The following RAB3GAP1 variants were observed in gnomAD, a reference collection of about 807,000 sequenced individuals.
RAB3GAP1 encodes rab3 GTPase-activating protein catalytic subunit.
In RAB3GAP1, 86 loss-of-function variants were observed where a neutral mutation model predicts 130.7. That is an observed-to-expected ratio of 0.66 (90% CI 0.55 to 0.79). RAB3GAP1 has a LOEUF of 0.79. Among genes scored for constraint, RAB3GAP1 ranks in the 30% least tolerant of loss-of-function variants. RAB3GAP1 has a pLI of 0.00. For missense variants in RAB3GAP1, 1,029 were observed against 1,169.4 expected (o/e 0.88, Z 1.75); for synonymous variants, 367 against 401.7 (o/e 0.91, Z 1.03).
chr2:135,063,202 T>C (rs1689228838), intron 3 of RAB3GAP1, among the ~76,000 whole-genome samples: 1 of 152,196 alleles, frequency 6.6e-6, no homozygotes, highest in Non-Finnish European at 1.5e-5. Context: ...TTTTTTGTTT[T>C]TATTGTAAAT....
rs1269330359 is a variant in RAB3GAP1 at position 135,136,009 on chromosome 2, T to A, written c.1923+77T>A. 3 of 1,562,082 alleles carry A rather than the reference T, an allele frequency of 1.9e-6. No individual in the cohort carries two copies. In the African/African-American group the frequency reaches 4.1e-5, roughly 21 times the overall value. Reference sequence around the variant, plus strand: ...TTCATCCTAGTAGAAGATAGTGCTTTGAGTAAGGAAAATTATCCAAAAAGT... The same window carrying A: ...TTCATCCTAGTAGAAGATAGTGCTTAGAGTAAGGAAAATTATCCAAAAAGT... On this transcript the variant is annotated intron_variant, in intron 17 of 23. Coordinates refer to ENST00000264158, the MANE Select transcript of RAB3GAP1 (RefSeq NM_012233.3).
chr2:135,163,882 T>A (rs1692545312), intron 22 of RAB3GAP1, among the ~76,000 whole-genome samples: 1 of 152,256 alleles, frequency 6.6e-6, no homozygotes, highest in Non-Finnish European at 1.5e-5. Context: ...TGTGTTTGAA[T>A]TTTATGTCTT....
downstream of RAB3GAP1, among the ~76,000 whole-genome samples, chr2:135,173,166 AT>A (rs1040910054): frequency 1.3e-5 from 2 of 152,112 alleles, no homozygotes; most frequent in East Asian, 3.9e-4. Flanking sequence ...GTAATTTATT[AT>A]GCAGCAATAG....
intron 23 of RAB3GAP1, among the ~76,000 whole-genome samples, chr2:135,166,023 T>C (rs1398519557): frequency 6.6e-6 from 1 of 152,026 alleles, no homozygotes; most frequent in African/African-American, 2.4e-5. Context: ...AATACAAAAA[T>C]TAGCTGGGCG....
chr2:135,150,614 G>A, intron 18 of RAB3GAP1, 108 bp downstream of exon 18: 1 of 1,418,422 alleles, frequency 7.1e-7, no homozygotes. Context: ...TTTTTGTTAA[G>A]TGTTTGGATT....
intron 8 of RAB3GAP1, among the ~76,000 whole-genome samples, chr2:135,122,366 T>C (rs868197483): frequency 6.9e-6 from 1 of 145,640 alleles, no homozygotes; most frequent in East Asian, 1.9e-4. Flanking sequence ...TCCATTCTTA[T>C]CTTCCTTTTT....
chr2:135,146,147 T>G (rs1025479979), intron 17 of RAB3GAP1, among the ~76,000 whole-genome samples: 1 of 151,862 alleles, frequency 6.6e-6, no homozygotes, highest in African/African-American at 2.4e-5. Flanking sequence ...ATTTTAGTAT[T>G]AGAACAGAAT....
chr2:135,102,869 G>T (rs750607302), intron 5 of RAB3GAP1, among the ~76,000 whole-genome samples: 1 of 151,612 alleles, frequency 6.6e-6, no homozygotes. Flanking sequence ...ACAAAAATTA[G>T]CCGGGCGTGG....
At chr2:135,095,215 A>ATT (rs1203140940) in intron 5 of RAB3GAP1, among the ~76,000 whole-genome samples, 1 of 152,018 alleles carries the variant, frequency 6.6e-6, no homozygotes, top group Non-Finnish European at 1.5e-5. Context: ...CACCCAGCTG[A>ATT]TTTTTTGTAT....
chr2:135,152,671 C>T (rs146427649), intron 18 of RAB3GAP1, among the ~76,000 whole-genome samples: 8 of 152,232 alleles, frequency 5.3e-5, no homozygotes, highest in East Asian at 1.9e-4. Flanking sequence ...AGGGGATATG[C>T]CCTTAGGGGT....
In RAB3GAP1 at chr2:135,052,448, G is replaced by A. The variant is rs1688906834; in HGVS notation, c.37G>A (p.Glu13Lys). Reference protein sequence around the residue: ...ADSEPESEVFEITDFTTASEW... With the variant: ...ADSEPESEVFKITDFTTASEW... ...CCCGCAGCCCGAATCCGAGGTATTT[G>A]AGATCACGGACTTCACCACTGCCTC... Residue 13 changes from glutamate to lysine, a missense_variant, in exon 2 of 24, where the codon GAG becomes AAG. Coordinates refer to ENST00000264158, the MANE Select transcript of RAB3GAP1 (RefSeq NM_012233.3). The A allele has an allele frequency of 1.9e-6, 3 of 1,614,024 alleles. No homozygotes were observed. Among genetic ancestry groups the A allele is most frequent in the Non-Finnish European group, 2.5e-6 (3 of 1,180,028 alleles).
chr2:135,160,534 G>A (rs1052199346), intron 19 of RAB3GAP1, among the ~76,000 whole-genome samples: 2 of 151,880 alleles, frequency 1.3e-5, no homozygotes, highest in South Asian at 2.1e-4. Context: ...TGGCCGGGCA[G>A]TAGTGGCCAT....
At position 135,115,296 on chromosome 2, in the gene RAB3GAP1, C is replaced by G. The variant is rs776853207; in HGVS notation, c.563C>G (p.Thr188Ser). 6.2e-7 allele frequency: 1 copy of G among 1,613,378 alleles called. No homozygotes were observed. The highest frequency in any genetic ancestry group is 8.5e-7 in the Non-Finnish European group (1 of 1,179,404). ...VGECQGPGVR[T>S]DFEMVHLRKV... ...GAATGTCAAGGTCCTGGTGTACGAA[C>G]TGATTTCGAAATGGTTCATCTTAGA... Residue 188 changes from threonine (T) to serine (S), a missense_variant, in exon 7 of 24, where the codon ACT becomes AGT. By Grantham distance (58) the Thr-to-Ser change is moderately conservative. Around this residue, in one of 3 missense-constraint regions of RAB3GAP1, gnomAD observed 510 missense variants for 532.1 expected, o/e 0.96. Coordinates refer to ENST00000264158, the MANE Select transcript of RAB3GAP1 (RefSeq NM_012233.3).
chr2:135,162,872 G>T lies in RAB3GAP1; in HGVS notation c.2490+21G>T, dbSNP rs758043993. ...TGGAAGTAAGTTTGATGTAGTGTCA[G>T]AATCTTGCCAAGTGTTCTCCTCAGT... On this transcript the variant is annotated intron_variant, in intron 21 of 23. Coordinates refer to ENST00000264158, the MANE Select transcript of RAB3GAP1 (RefSeq NM_012233.3). The T allele has an allele frequency of 1.9e-5, 31 of 1,597,088 alleles. No homozygotes were observed. The South Asian group carries it at 2.2e-4, about 11-fold the overall frequency.
At chr2:135,074,761 A>G (rs1001997085) in intron 3 of RAB3GAP1, among the ~76,000 whole-genome samples, 1 of 152,196 alleles carries the variant, frequency 6.6e-6, no homozygotes, top group African/African-American at 2.4e-5. Flanking sequence ...GATTTAGAGA[A>G]AGTACGTAGA....
chr2:135,153,227 T>G (rs1328029726), intron 18 of RAB3GAP1, among the ~76,000 whole-genome samples: 1 of 152,228 alleles, frequency 6.6e-6, no homozygotes, highest in Non-Finnish European at 1.5e-5. Flanking sequence ...CTTTTCTTAG[T>G]ATTGAGTAGT....
At chr2:135,140,098 A>C (rs1419894808) in intron 17 of RAB3GAP1, among the ~76,000 whole-genome samples, 1 of 152,136 alleles carries the variant, frequency 6.6e-6, no homozygotes, top group Non-Finnish European at 1.5e-5. Context: ...ATGTGTTATT[A>C]GTATTCTATT....
chr2:135,092,795 C>T (rs1690185767), intron 4 of RAB3GAP1, among the ~76,000 whole-genome samples: 1 of 152,140 alleles, frequency 6.6e-6, no homozygotes, highest in Non-Finnish European at 1.5e-5. Flanking sequence ...ATATAAAGTG[C>T]AGTTTTCTTT....
intron 19 of RAB3GAP1, among the ~76,000 whole-genome samples, chr2:135,159,150 G>A (rs1003364027): frequency 9.2e-5 from 14 of 152,102 alleles, no homozygotes; most frequent in African/African-American, 3.4e-4. Flanking sequence ...TAAATTAATG[G>A]GATAGAAGGG....
Sources: allele counts gnomAD v4.1 joint callset (sites outside exome capture counted in the v4.1 genomes callset), GRCh38; gene constraint gnomAD v4.1.1; regional missense constraint gnomAD v4.1.1; transcripts MANE v1.5; gene names NCBI Gene and HGNC (gene_info 2026-07-23, HGNC 2026-07-21).